The following CNNM2 variants were observed in gnomAD, a reference collection of about 807,000 sequenced individuals.
CNNM2 encodes the protein metal transporter CNNM2.
A neutral mutation model predicts 66.9 loss-of-function variants in CNNM2; 12 were observed. That is an observed-to-expected ratio of 0.18 (90% CI 0.11 to 0.29). The LOEUF is 0.29. CNNM2 is among the 10% of genes least tolerant of loss of function. The probability of loss-of-function intolerance (pLI) is 1.00; values close to 1 mark genes in which losing one functional copy is unlikely to be tolerated. For synonymous variants in CNNM2, 557 were observed against 501.8 expected (o/e 1.11, Z -1.47); for missense variants, 705 against 1,167.7 (o/e 0.60, Z 5.77).
intron 2 of CNNM2, among the ~76,000 whole-genome samples, chr10:103,051,908 G>T (rs2065219476): frequency 2.0e-5 from 3 of 152,150 alleles, no homozygotes; most frequent in Admixed American, 1.3e-4. Context: ...CTCACTTGGA[G>T]GGTCGTCAGA....
intron 4 of CNNM2, 44 bp from the exon 5 acceptor site, chr10:103,068,585 G>T: frequency 6.7e-7 from 1 of 1,487,108 alleles, no homozygotes; most frequent in East Asian, 2.3e-5. Flanking sequence ...GTGCCAGTAG[G>T]CTTTTGCAAC....
chr10:103,007,713 G>C (rs1056127764), intron 1 of CNNM2, among the ~76,000 whole-genome samples: 1 of 152,082 alleles, frequency 6.6e-6, no homozygotes, highest in African/African-American at 2.4e-5. Context: ...GAAAATCACT[G>C]TTATTCTGTT....
At position 103,076,157 on chromosome 10, in the gene CNNM2, G is replaced by A. The variant is rs371048265; in HGVS notation, c.2305G>A (p.Asp769Asn). 1 of 1,608,586 alleles carries A rather than the reference G, an allele frequency of 6.2e-7. No homozygotes were observed. The highest frequency in any genetic ancestry group is 8.5e-7 in the Non-Finnish European group (1 of 1,177,562). Residue 769 changes from aspartate to asparagine, a missense_variant, in exon 7 of 8, where the codon GAC becomes AAC. Transcript: ENST00000369878. ...SDSLSRSDRI[D>N]AVTPTLGSSN... ...CTCTCTCAGTCGAAGCGACCGGATT[G>A]ACGCCGTCACACCAACACTGGGGAG...
At chr10:102,946,408 T>C (rs1846619214) in intron 1 of CNNM2, among the ~76,000 whole-genome samples, 2 of 152,208 alleles carry the variant, frequency 1.3e-5, no homozygotes, top group African/African-American at 2.4e-5. Context: ...TTGATTGTTG[T>C]CCGGAATCTT....
chr10:103,084,134 CAT>C lies in CNNM2; in HGVS notation c.*6955_*6956del, dbSNP rs1168927315. On this transcript the variant is annotated 3_prime_UTR_variant, in exon 8 of 8. Transcript: ENST00000369878. ...CCCTCTGTGATCCATTCCTAAACCA[CAT>C]CTTTTTGGAATCCCTTTTCTCTCCA... is the stretch of plus-strand genomic sequence containing the variant. The C allele has an allele frequency of 6.6e-6, 1 of 152,218 alleles. No individual in the cohort carries two copies. The highest frequency in any genetic ancestry group is 1.5e-5 in the Non-Finnish European group (1 of 68,038). 9.4% of individuals were successfully genotyped at this position (152,218 alleles called of 1,614,324 possible).
chr10:103,032,239 C>T (rs1010943612), intron 1 of CNNM2, among the ~76,000 whole-genome samples: 2 of 152,082 alleles, frequency 1.3e-5, no homozygotes, highest in African/African-American at 4.8e-5. Flanking sequence ...CACCTGAGGT[C>T]AGGAGTTCAA....
chr10:102,962,396 A>T (rs1161219507), intron 1 of CNNM2, among the ~76,000 whole-genome samples: 6 of 152,220 alleles, frequency 3.9e-5, no homozygotes, highest in Non-Finnish European at 7.3e-5. Flanking sequence ...GGTGGGTGCT[A>T]TCACTGTGAG....
At chr10:102,982,253 C>T (rs1342182129) in intron 1 of CNNM2, among the ~76,000 whole-genome samples, 1 of 152,146 alleles carries the variant, frequency 6.6e-6, no homozygotes, top group Non-Finnish European at 1.5e-5. Context: ...TCATAATTAT[C>T]ACACTGGCTA....
In CNNM2 at chr10:103,017,237, A is replaced by G. The variant is rs185675576; in HGVS notation, c.1622-32470A>G. ...GTCTGATAACTTCTGGAGGAGTGGCAAAAGATGGATTATTAACAGCTAGTA... is the reference window on the plus strand; with the variant it reads ...GTCTGATAACTTCTGGAGGAGTGGCGAAAGATGGATTATTAACAGCTAGTA... On this transcript the variant is annotated intron_variant, in intron 1 of 7. Transcript: ENST00000369878. Among the ~76,000 whole-genome samples, 3 of 152,314 alleles carry G rather than the reference A, an allele frequency of 2.0e-5. No homozygotes were observed. In the East Asian group the frequency reaches 5.8e-4, roughly 29 times the overall value.
chr10:103,030,993 T>C (rs1295703495), intron 1 of CNNM2, among the ~76,000 whole-genome samples: 1 of 152,194 alleles, frequency 6.6e-6, no homozygotes, highest in Non-Finnish European at 1.5e-5. Flanking sequence ...GGAATATTTT[T>C]ATATCTGAGG....
At chr10:103,057,304 AC>A (rs1402545212) in intron 4 of CNNM2, among the ~76,000 whole-genome samples, 1 of 152,082 alleles carries the variant, frequency 6.6e-6, no homozygotes, top group Non-Finnish European at 1.5e-5. Context: ...CACCATCTCT[AC>A]AAAAAATTTA....
intron 6 of CNNM2, among the ~76,000 whole-genome samples, chr10:103,074,137 A>G (rs879636796): frequency 1.9e-4 from 29 of 151,970 alleles, no homozygotes; most frequent in Admixed American, 1.9e-3. Context: ...AAAATACAAA[A>G]ATTAGCTGGG....
chr10:103,031,750 T>C (rs570191373), intron 1 of CNNM2, among the ~76,000 whole-genome samples: 4 of 152,140 alleles, frequency 2.6e-5, no homozygotes, highest in African/African-American at 9.6e-5. Flanking sequence ...TGATAGCGCC[T>C]AGGCAGCAGG....
intron 1 of CNNM2, among the ~76,000 whole-genome samples, chr10:102,930,003 T>C (rs982886661): frequency 6.6e-6 from 1 of 152,212 alleles, no homozygotes; most frequent in South Asian, 2.1e-4. Context: ...ATAAAAATGA[T>C]TTAGTATTTT....
Position 102,958,459 on chromosome 10 carries a change from GTTTTTTTTTTT to G in CNNM2, c.1621+38378_1621+38388del, listed in dbSNP as rs33992570. On this transcript the variant is annotated intron_variant, in intron 1 of 7. Transcript: ENST00000369878. ...GACTTGTTCTGAATTCAAGCAACTT[GTTTTTTTTTTT>G]TTTTTTTTTTTTTTTTTTTGAGATG... Among the ~76,000 whole-genome samples, 9 of 51,704 alleles carry G rather than the reference GTTTTTTTTTTT, an allele frequency of 1.7e-4. No homozygotes were observed. Among genetic ancestry groups the G allele is most frequent in the East Asian group, 1.3e-3 (2 of 1,570 alleles). 33.9% of individuals were successfully genotyped at this position (51,704 alleles called of 152,430 possible).
chr10:102,959,984 G>T (rs1203721918), intron 1 of CNNM2, among the ~76,000 whole-genome samples: 1 of 150,438 alleles, frequency 6.6e-6, no homozygotes, highest in Non-Finnish European at 1.5e-5. Flanking sequence ...CCCGGGAGGT[G>T]GAGCTTGCAG....
chr10:102,931,356 C>CTT (rs66613815), intron 1 of CNNM2, among the ~76,000 whole-genome samples: 2 of 119,262 alleles, frequency 1.7e-5, no homozygotes, highest in African/African-American at 3.2e-5. Flanking sequence ...TTCCTTCTTT[C>CTT]TTTTTTTTTT....
At position 103,034,972 on chromosome 10, in the gene CNNM2, CAA is replaced by C. The variant is rs71019651; in HGVS notation, c.1622-14718_1622-14717del. 1.5e-4 allele frequency among the ~76,000 whole-genome samples: 11 copies of C among 71,122 alleles called. No homozygotes were observed. The highest frequency in any genetic ancestry group is 1.5e-4 in the Admixed American group (1 of 6,672). The allele number at this position is 71,122 out of a possible 152,430, so 46.7% of individuals were successfully genotyped here. Reference sequence around the variant, plus strand: ...TGGGCGACAGAGCGAGACTCCGTCTCAAAAAAAAAAAAAAAAAATCTCCTACT... The same window carrying C: ...TGGGCGACAGAGCGAGACTCCGTCTCAAAAAAAAAAAAAAAATCTCCTACT... On this transcript the variant is annotated intron_variant, in intron 1 of 7. Transcript: ENST00000369878.
intron 1 of CNNM2, among the ~76,000 whole-genome samples, chr10:103,001,114 T>C (rs937997302): frequency 6.6e-6 from 1 of 152,176 alleles, no homozygotes. Context: ...ATTCTACTTA[T>C]ATGAAGAACT....
Sources: allele counts gnomAD v4.1 joint callset (sites outside exome capture counted in the v4.1 genomes callset), GRCh38; gene constraint gnomAD v4.1.1; transcripts MANE v1.5; gene names NCBI Gene and HGNC (gene_info 2026-07-23, HGNC 2026-07-21).